Variants in TANC2 observed in about 807,000 individuals in gnomAD.
The protein encoded by TANC2 is tetratricopeptide repeat, ankyrin repeat and coiled-coil containing 2.
Under a neutral mutation model 210.5 loss-of-function variants are expected in TANC2, and 26 were observed. The ratio of observed to expected loss-of-function variants is 0.12; its 90% CI spans 0.09 to 0.17. The LOEUF is 0.17. Among genes scored for constraint, TANC2 ranks in the 10% least tolerant of loss-of-function variants. The pLI, the probability that TANC2 is intolerant of heterozygous loss-of-function variation, is 1.00. For synonymous variants in TANC2, 931 were observed against 967.1 expected (o/e 0.96, Z 0.69); for missense variants, 2,129 against 2,608.9 (o/e 0.82, Z 4.01).
At chr17:63,239,184 G>T (rs2042706310) in intron 8 of TANC2, among the ~76,000 whole-genome samples, 1 of 151,744 alleles carries the variant, frequency 6.6e-6, no homozygotes, top group South Asian at 2.1e-4. Flanking sequence ...GATACTGAGG[G>T]TTAAGTGGTT....
chr17:63,157,134 C>T (rs2039867839), intron 5 of TANC2, among the ~76,000 whole-genome samples: 1 of 152,064 alleles, frequency 6.6e-6, no homozygotes, highest in Non-Finnish European at 1.5e-5. Flanking sequence ...GGTCCAGTTT[C>T]TAGGCAGATA....
At chr17:63,295,897 C>T (rs1340658844) in intron 9 of TANC2, among the ~76,000 whole-genome samples, 2 of 152,154 alleles carry the variant, frequency 1.3e-5, no homozygotes, top group Admixed American at 6.6e-5. Flanking sequence ...GGAGAGCCCA[C>T]AACTGAGGCA....
At chr17:63,293,357 G>A (rs2044438396) in intron 9 of TANC2, among the ~76,000 whole-genome samples, 1 of 152,202 alleles carries the variant, frequency 6.6e-6, no homozygotes, top group African/African-American at 2.4e-5. Context: ...AGAATAGCAT[G>A]CATGGAATGA....
At chr17:62,968,218 T>G (rs1176788025) in intron 1 of TANC2, among the ~76,000 whole-genome samples, 1 of 152,238 alleles carries the variant, frequency 6.6e-6, no homozygotes, top group Non-Finnish European at 1.5e-5. Flanking sequence ...GAATATACTA[T>G]ATAACAAAAG....
chr17:63,171,463 A>G (rs1039025427), intron 5 of TANC2, among the ~76,000 whole-genome samples: 2 of 152,190 alleles, frequency 1.3e-5, no homozygotes, highest in Non-Finnish European at 2.9e-5. Context: ...AGTAGTCACA[A>G]TAGTTACATT....
At chr17:63,186,654 G>C (rs1419341146) in intron 5 of TANC2, among the ~76,000 whole-genome samples, 1 of 152,072 alleles carries the variant, frequency 6.6e-6, no homozygotes, top group Admixed American at 6.5e-5. Flanking sequence ...CCGCACCCGG[G>C]CTTTCTTCGA....
chr17:63,198,604 G>T (rs900790563), intron 6 of TANC2, among the ~76,000 whole-genome samples: 2 of 152,038 alleles, frequency 1.3e-5, no homozygotes, highest in African/African-American at 4.8e-5. Flanking sequence ...GTTAAAAATC[G>T]TTTGCCACAT....
intron 8 of TANC2, among the ~76,000 whole-genome samples, chr17:63,243,665 A>T (rs1381040193): frequency 5.3e-5 from 8 of 152,204 alleles, no homozygotes; most frequent in Non-Finnish European, 1.0e-4. Flanking sequence ...AACTAAAGTA[A>T]TGGTTACCTT....
At chr17:63,011,243 T>TGTG (rs1568315597) in intron 2 of TANC2, among the ~76,000 whole-genome samples, 9 of 147,948 alleles carry the variant, frequency 6.1e-5, no homozygotes, top group African/African-American at 1.2e-4. Context: ...GTGTGTGTGT[T>TGTG]TTTTTTACTA....
chr17:63,194,572 A>C (rs2041282565), intron 6 of TANC2, among the ~76,000 whole-genome samples: 1 of 152,270 alleles, frequency 6.6e-6, no homozygotes, highest in East Asian at 1.9e-4. Flanking sequence ...GGGATCTAAA[A>C]GATTACTTGG....
intron 5 of TANC2, among the ~76,000 whole-genome samples, chr17:63,181,556 C>A (rs571174683): frequency 6.6e-6 from 1 of 152,220 alleles, no homozygotes; most frequent in East Asian, 1.9e-4. Context: ...ATTTAAAATG[C>A]GTCTTCAAGG....
intron 9 of TANC2, among the ~76,000 whole-genome samples, chr17:63,283,751 AATG>A (rs1352346261): frequency 6.6e-6 from 1 of 151,978 alleles, no homozygotes; most frequent in Non-Finnish European, 1.5e-5. Flanking sequence ...TGCTATTGTA[AATG>A]ATATTGCTTT....
At chr17:63,290,108 T>C (rs187571358) in intron 9 of TANC2, among the ~76,000 whole-genome samples, 1 of 152,220 alleles carries the variant, frequency 6.6e-6, no homozygotes, top group East Asian at 1.9e-4. Flanking sequence ...AGCATTGTGC[T>C]TTGGCATGTT....
At position 63,393,757 on chromosome 17, in the gene TANC2, T is replaced by C. The variant is rs540934472; in HGVS notation, c.3052-1986T>C. ...CATCAGTGATTCTTGCTGCAGTAAGTATTATTATTATTATTATTATTTTTT... is the reference window on the plus strand; with the variant it reads ...CATCAGTGATTCTTGCTGCAGTAAGCATTATTATTATTATTATTATTTTTT... On this transcript the variant is annotated intron_variant, in intron 17 of 27. Coordinates refer to ENST00000689528, the Ensembl canonical transcript of TANC2. Among the ~76,000 whole-genome samples the C allele has an allele frequency of 3.5e-5, 5 of 143,914 alleles. No homozygotes were observed. The South Asian group carries it at 1.1e-3, about 32-fold the overall frequency. The allele number at this position is 143,914 out of a possible 152,430, so 94.4% of individuals were successfully genotyped here. A position where few individuals can be genotyped will look rare whatever the true frequency, so the allele number is the denominator to read the frequency against.
At chr17:63,299,758 T>G (rs1322636964) in intron 9 of TANC2, among the ~76,000 whole-genome samples, 1 of 152,204 alleles carries the variant, frequency 6.6e-6, no homozygotes, top group Non-Finnish European at 1.5e-5. Context: ...TGATGGTTTC[T>G]TTTGCTGTGC....
chr17:63,392,307 G>A (rs556750420), intron 17 of TANC2, among the ~76,000 whole-genome samples: 1 of 152,246 alleles, frequency 6.6e-6, no homozygotes, highest in African/African-American at 2.4e-5. Context: ...TCATATCCCT[G>A]ACTAGTTAGT....
At chr17:63,229,910 C>G (rs148442426) in intron 7 of TANC2, among the ~76,000 whole-genome samples, 1 of 151,978 alleles carries the variant, frequency 6.6e-6, no homozygotes, top group Admixed American at 6.6e-5. Context: ...TTTCATGCCT[C>G]AGCCTCCTGA....
At chr17:63,086,208 A>G (rs1409217885) in intron 3 of TANC2, among the ~76,000 whole-genome samples, 1 of 151,888 alleles carries the variant, frequency 6.6e-6, no homozygotes, top group African/African-American at 2.4e-5. Context: ...ACTGAAGCAT[A>G]GTTTGTTTGG....
intron 7 of TANC2, 42 bp from the exon 8 acceptor site, chr17:63,237,772 G>A: frequency 6.7e-7 from 1 of 1,497,608 alleles, no homozygotes; most frequent in Non-Finnish European, 8.9e-7. Flanking sequence ...ATAACTGTAT[G>A]TATGTGGCTT....
Sources: gnomAD v4.1 joint callset for allele counts (sites outside exome capture counted in the v4.1 genomes callset) on GRCh38, gnomAD v4.1.1 for gene constraint, MANE v1.5 for transcripts, NCBI Gene and HGNC (gene_info 2026-07-23, HGNC 2026-07-21) for gene names.